CSMD1: variants seen among roughly 807,000 people sequenced by gnomAD.
CSMD1 encodes CUB and Sushi multiple domains 1.
In CSMD1, 213 loss-of-function variants were observed where a neutral mutation model predicts 417.5. The ratio of observed to expected loss-of-function variants is 0.51; its 90% CI spans 0.46 to 0.57. CSMD1 has a LOEUF of 0.57. CSMD1 is among the 20% of genes least tolerant of loss of function. CSMD1 has a pLI of 0.00. For synonymous variants in CSMD1, 2,862 were observed against 1,736.8 expected, an observed-to-expected ratio of 1.65 and a Z score of -16.11; for missense variants, 6,923 against 4,529.7, an observed-to-expected ratio of 1.53 and a Z score of -15.17.
intron 14 of CSMD1, among the ~76,000 whole-genome samples, chr8:3,407,305 G>A (rs556167620): frequency 5.4e-4 from 82 of 151,962 alleles, no homozygotes; most frequent in East Asian, 3.9e-4. Flanking sequence ...AATGATAGAC[G>A]GAATAATGGA....
intron 1 of CSMD1, among the ~76,000 whole-genome samples, chr8:4,767,707 T>C (rs1380251135): frequency 6.6e-6 from 1 of 152,214 alleles, no homozygotes; most frequent in Non-Finnish European, 1.5e-5. Flanking sequence ...GTACCCAGGC[T>C]GGATGAAACA....
At chr8:3,387,858 C>T (rs905260706) in intron 17 of CSMD1, among the ~76,000 whole-genome samples, 176 bp from the exon 18 acceptor site, 5 of 152,284 alleles carry the variant, frequency 3.3e-5, no homozygotes, top group African/African-American at 9.6e-5. Context: ...CATTTGACCT[C>T]GTTTTTTAAA....
chr8:3,826,836 C>T (rs1279186025), intron 5 of CSMD1, among the ~76,000 whole-genome samples: 2 of 152,134 alleles, frequency 1.3e-5, no homozygotes, highest in African/African-American at 4.8e-5. Flanking sequence ...ATCTAGGCTG[C>T]AGTGTAGTGG....
intron 2 of CSMD1, among the ~76,000 whole-genome samples, chr8:4,528,653 C>T (rs1347036857): frequency 6.6e-6 from 1 of 152,112 alleles, no homozygotes; most frequent in African/African-American, 2.4e-5. Context: ...TAGATTGCAG[C>T]AATGGTTTCA....
At chr8:4,860,334 C>T (rs1017828180) in intron 1 of CSMD1, among the ~76,000 whole-genome samples, 7 of 151,072 alleles carry the variant, frequency 4.6e-5, no homozygotes, top group South Asian at 2.1e-4. Flanking sequence ...GTGGGTGCAG[C>T]GTACCAGCAT....
chr8:4,108,739 G>C (rs576839872), intron 3 of CSMD1, among the ~76,000 whole-genome samples: 2 of 151,642 alleles, frequency 1.3e-5, no homozygotes, highest in East Asian at 3.9e-4. Context: ...ACCGACTTTT[G>C]TTACATTTAG....
chr8:3,083,872 C>G (rs1384032982), intron 49 of CSMD1, among the ~76,000 whole-genome samples: 1 of 151,480 alleles, frequency 6.6e-6, no homozygotes, highest in Non-Finnish European at 1.5e-5. Context: ...GTTGCCCAGG[C>G]TGGCCTGAAC....
chr8:3,752,265 G>A (rs1432765498), intron 6 of CSMD1, among the ~76,000 whole-genome samples: 1 of 152,158 alleles, frequency 6.6e-6, no homozygotes, highest in East Asian at 1.9e-4. Flanking sequence ...TAAAATTTCA[G>A]GGCAGCTTCT....
intron 5 of CSMD1, among the ~76,000 whole-genome samples, chr8:3,773,091 C>A (rs193061024): frequency 6.6e-6 from 1 of 152,268 alleles, no homozygotes; most frequent in African/African-American, 2.4e-5. Flanking sequence ...ACACTAATCA[C>A]ACTCACGAGG....
At chr8:4,401,535 G>A (rs1253498810) in intron 3 of CSMD1, among the ~76,000 whole-genome samples, 1 of 152,096 alleles carries the variant, frequency 6.6e-6, no homozygotes, top group Non-Finnish European at 1.5e-5. Context: ...CCTCCCAGCA[G>A]TAGCTCCCCT....
At chr8:3,719,603 C>A (rs1000562624) in intron 6 of CSMD1, among the ~76,000 whole-genome samples, 9 of 152,020 alleles carry the variant, frequency 5.9e-5, no homozygotes, top group African/African-American at 2.2e-4. Context: ...CTGTGATGAA[C>A]GAAAAAGATG....
At chr8:3,647,789 A>C (rs1020947672) in intron 7 of CSMD1, among the ~76,000 whole-genome samples, 1 of 152,218 alleles carries the variant, frequency 6.6e-6, no homozygotes, top group Non-Finnish European at 1.5e-5. Flanking sequence ...AAAGAGAGAG[A>C]GATATTGAAA....
At chr8:4,704,238 T>A (rs1369442797) in intron 1 of CSMD1, among the ~76,000 whole-genome samples, 2 of 152,252 alleles carry the variant, frequency 1.3e-5, no homozygotes, top group East Asian at 3.8e-4. Flanking sequence ...CATTTGCATT[T>A]GTAATCCCTG....
chr8:3,926,211 C>T (rs1302246387), intron 5 of CSMD1, among the ~76,000 whole-genome samples: 4 of 151,956 alleles, frequency 2.6e-5, no homozygotes, highest in African/African-American at 7.2e-5. Flanking sequence ...GTACTAATAA[C>T]GTATGTTGAT....
intron 1 of CSMD1, among the ~76,000 whole-genome samples, chr8:4,846,205 C>CT (rs1236415316): frequency 4.6e-5 from 7 of 152,186 alleles, no homozygotes; most frequent in Non-Finnish European, 7.4e-5. Flanking sequence ...TGTCCAGGAT[C>CT]TTTTTTTTCT....
chr8:4,095,319 C>A (rs867788592), intron 3 of CSMD1, among the ~76,000 whole-genome samples: 2 of 152,086 alleles, frequency 1.3e-5, no homozygotes, highest in Non-Finnish European at 2.9e-5. Flanking sequence ...CCTGATATAA[C>A]ATTTGCCACA....
chr8:3,473,426 C>T (rs1481965161), intron 11 of CSMD1, among the ~76,000 whole-genome samples: 1 of 152,104 alleles, frequency 6.6e-6, no homozygotes, highest in Non-Finnish European at 1.5e-5. Context: ...AGTAAAAGCA[C>T]TTTTTATTTT....
chr8:4,518,738 G>T (rs374529760), intron 2 of CSMD1, among the ~76,000 whole-genome samples: 2 of 151,438 alleles, frequency 1.3e-5, no homozygotes, highest in Non-Finnish European at 2.9e-5. Context: ...CACGTTGTGC[G>T]CATGTACCCT....
chr8:3,846,488 A>C lies in CSMD1; in HGVS notation c.819-92446T>G, dbSNP rs1489961212. On this transcript the variant is annotated intron_variant, in intron 5 of 69. Coordinates refer to ENST00000635120, the MANE Select transcript of CSMD1 (RefSeq NM_033225.6). ...CTTCCTCTCAGTTTTTTCACGTGTGAAACTCAGATAAGCATAGAAAGTATT... is the reference window on the plus strand; with the variant it reads ...CTTCCTCTCAGTTTTTTCACGTGTGCAACTCAGATAAGCATAGAAAGTATT... 2.0e-5 allele frequency among the ~76,000 whole-genome samples: 3 copies of C among 152,200 alleles called. No homozygotes were observed. In the East Asian group the frequency reaches 5.8e-4, roughly 29 times the overall value.
Sources: gnomAD v4.1 joint callset for allele counts (sites outside exome capture counted in the v4.1 genomes callset) on GRCh38, gnomAD v4.1.1 for gene constraint, MANE v1.5 for transcripts, NCBI Gene and HGNC (gene_info 2026-07-23, HGNC 2026-07-21) for gene names.